PCDH15: variants seen among roughly 807,000 people sequenced by gnomAD.
The protein encoded by PCDH15 is protocadherin related 15, also known as protocadherin-15.
A neutral mutation model predicts 178.5 loss-of-function variants in PCDH15; 129 were observed. The observed-to-expected ratio is 0.72, with a 90% CI of 0.63 to 0.84. PCDH15 has a LOEUF of 0.84. Ranked by LOEUF, PCDH15 falls within the 40% of genes least tolerant of loss-of-function variation. The pLI is 0.00. For synonymous variants in PCDH15, 800 were observed against 732.0 expected (o/e 1.09, Z -1.50); for missense variants, 2,230 against 2,099.9 (o/e 1.06, Z -1.21).
At chr10:54,539,644 C>T (rs572766765) in intron 2 of PCDH15, among the ~76,000 whole-genome samples, 18 of 152,234 alleles carry the variant, frequency 1.2e-4, no homozygotes, top group African/African-American at 4.1e-4. Flanking sequence ...TTGATGTTTA[C>T]AGGACACTCC....
At chr10:55,131,578 G>A (rs1591927152) in intron 2 of PCDH15, among the ~76,000 whole-genome samples, 1 of 152,282 alleles carries the variant, frequency 6.6e-6, no homozygotes, top group Admixed American at 6.5e-5. Flanking sequence ...GACAACTGGA[G>A]CATGAGCAAG....
intron 3 of PCDH15, among the ~76,000 whole-genome samples, chr10:54,407,973 T>C (rs1952906018): frequency 6.8e-6 from 1 of 146,878 alleles, no homozygotes; most frequent in Admixed American, 7.0e-5. Flanking sequence ...GAGAATCACT[T>C]GAACCCGGGA....
At chr10:55,515,347 C>A (rs1222203533) in intron 2 of PCDH15, among the ~76,000 whole-genome samples, 1 of 151,956 alleles carries the variant, frequency 6.6e-6, no homozygotes, top group Non-Finnish European at 1.5e-5. Context: ...CTACTAAATA[C>A]CCCTTTGTAT....
rs188631262 is a variant in PCDH15 at position 54,382,486 on chromosome 10, A to G, written c.158-3544T>C. 2.0e-5 allele frequency among the ~76,000 whole-genome samples: 3 copies of G among 152,304 alleles called. No homozygotes were observed. The East Asian group carries it at 5.8e-4, about 29-fold the overall frequency. ...GAGCTTGCCACCCATACAAGAGGAT[A>G]GTGGGCATTAAGTATGGTCCAAAAA... On this transcript the variant is annotated intron_variant, in intron 3 of 37. Transcript: ENST00000644397.
intron 15 of PCDH15, among the ~76,000 whole-genome samples, chr10:54,090,569 G>A (rs151095037): frequency 0.011 from 1,728 of 151,192 alleles, 36 homozygotes; most frequent in African/African-American, 0.036. Flanking sequence ...GCTTGAACCC[G>A]GGAGGCAGAT....
chr10:55,250,338 G>A (rs2132222652), intron 1 of PCDH15, among the ~76,000 whole-genome samples: 1 of 151,346 alleles, frequency 6.6e-6, no homozygotes, highest in South Asian at 2.1e-4. Context: ...GTGGAGATAG[G>A]GTCTCACTTT....
At position 54,346,418 on chromosome 10, in the gene PCDH15, C is replaced by T. The variant is rs2134176136; in HGVS notation, c.541G>A (p.Asp181Asn). Reference protein sequence around the residue: ...SGDNGATDIDDGPNGQIEYVI... With the variant: ...SGDNGATDIDNGPNGQIEYVI... The stretch of plus-strand genomic sequence containing the variant: ...TACTCTATCTGTCCATTTGGTCCAT[C>T]ATCTATATCTGTAGCTCCATTGTCT... Residue 181 changes from aspartate (D) to asparagine (N), a missense_variant, in exon 6 of 38, where the codon GAT (aspartate) becomes AAT (asparagine). Physicochemically the swap from Asp to Asn is conservative, Grantham distance 23. Coordinates refer to ENST00000644397, the MANE Select transcript of PCDH15 (RefSeq NM_001384140.1). 3.1e-6 allele frequency: 5 copies of T among 1,613,680 alleles called. No individual in the cohort carries two copies. The highest frequency in any genetic ancestry group is 4.2e-6 in the Non-Finnish European group (5 of 1,179,712).
At chr10:54,455,882 C>G (rs1163512725) in intron 3 of PCDH15, among the ~76,000 whole-genome samples, 2 of 152,200 alleles carry the variant, frequency 1.3e-5, no homozygotes, top group East Asian at 3.9e-4. Flanking sequence ...GGTCAGTGTA[C>G]AGCTCAGGCT....
chr10:53,938,977 C>T, intron 24 of PCDH15, 22 bp from the exon 25 acceptor site: 1 of 1,608,402 alleles, frequency 6.2e-7, no homozygotes, highest in Non-Finnish European at 8.5e-7. Context: ...AATACAATTA[C>T]CTGGTCATTG....
At chr10:54,052,321 G>T (rs1298724642) in intron 18 of PCDH15, among the ~76,000 whole-genome samples, 2 of 152,094 alleles carry the variant, frequency 1.3e-5, no homozygotes, top group Admixed American at 1.3e-4. Flanking sequence ...GTTAGGAGGG[G>T]GGCTGTACCC....
At chr10:55,501,348 A>G (rs1471919992) in intron 2 of PCDH15, among the ~76,000 whole-genome samples, 1 of 151,748 alleles carries the variant, frequency 6.6e-6, no homozygotes, top group African/African-American at 2.4e-5. Context: ...CACCGAATTT[A>G]TATTAATTTG....
intron 2 of PCDH15, among the ~76,000 whole-genome samples, chr10:55,590,577 A>G (rs1842824923): frequency 6.6e-6 from 1 of 152,158 alleles, no homozygotes; most frequent in Admixed American, 6.5e-5. Flanking sequence ...TTGTCTTGGT[A>G]GTAAAAAGAC....
At chr10:54,337,320 C>T (rs1280269223) in intron 6 of PCDH15, among the ~76,000 whole-genome samples, 2 of 151,960 alleles carry the variant, frequency 1.3e-5, no homozygotes, top group Non-Finnish European at 2.9e-5. Context: ...AATGTGAGGA[C>T]ATGAGATTTG....
chr10:55,024,937 T>G (rs1378107599), intron 2 of PCDH15, among the ~76,000 whole-genome samples: 2 of 151,628 alleles, frequency 1.3e-5, no homozygotes, highest in African/African-American at 2.4e-5. Context: ...AAAACCATGG[T>G]TTTTTTTAAT....
chr10:54,934,028 T>C (rs1837845590), intron 2 of PCDH15, among the ~76,000 whole-genome samples: 1 of 152,138 alleles, frequency 6.6e-6, no homozygotes, highest in Non-Finnish European at 1.5e-5. Context: ...AATATAAAGG[T>C]GTAACATCAA....
At chr10:54,277,473 G>C (rs1380494161) in intron 8 of PCDH15, among the ~76,000 whole-genome samples, 1 of 151,566 alleles carries the variant, frequency 6.6e-6, no homozygotes, top group Non-Finnish European at 1.5e-5. Context: ...GCCAGATTTA[G>C]CAAATAAAAT....
chr10:55,559,978 C>G (rs778612782), intron 2 of PCDH15, among the ~76,000 whole-genome samples: 1 of 152,008 alleles, frequency 6.6e-6, no homozygotes. Flanking sequence ...AGTGATTATA[C>G]GCCTAGACTC....
At chr10:54,267,184 A>T (rs955662017) in intron 8 of PCDH15, among the ~76,000 whole-genome samples, 2 of 120,810 alleles carry the variant, frequency 1.7e-5, no homozygotes, top group African/African-American at 6.2e-5. Context: ...AAAAAATAAG[A>T]TTATCTCAAC....
intron 2 of PCDH15, among the ~76,000 whole-genome samples, chr10:54,615,930 GGGATT>G (rs2093129969): frequency 6.6e-6 from 1 of 152,034 alleles, no homozygotes; most frequent in Admixed American, 6.6e-5. Flanking sequence ...TGGCATCACA[GGGATT>G]GGTACAGACA....
Sources: allele counts gnomAD v4.1 joint callset (sites outside exome capture counted in the v4.1 genomes callset), GRCh38; gene constraint gnomAD v4.1.1; transcripts MANE v1.5; gene names NCBI Gene and HGNC (gene_info 2026-07-23, HGNC 2026-07-21).